The following MAD1L1 variants were observed in gnomAD, a reference collection of about 807,000 sequenced individuals.
MAD1L1 encodes the protein mitotic spindle assembly checkpoint protein MAD1.
A neutral mutation model predicts 96.9 loss-of-function variants in MAD1L1; 95 were observed. That is an observed-to-expected ratio of 0.98 (90% confidence interval 0.83 to 1.16). The LOEUF (loss-of-function observed/expected upper bound fraction) is 1.16. Among genes scored for constraint, MAD1L1 ranks in the 50% most tolerant of loss-of-function variants. The pLI is 0.00. For synonymous variants in MAD1L1, 473 were observed against 396.6 expected (o/e 1.19, Z -2.29); for missense variants, 1,007 against 954.4 (o/e 1.06, Z -0.73).
intron 11 of MAD1L1, among the ~76,000 whole-genome samples, chr7:2,116,567 TGG>T (rs3076522): frequency 0.054 from 1,946 of 35,866 alleles, 57 homozygotes; most frequent in African/African-American, 0.13. Context: ...GCCAGAGGGT[TGG>T]GGGGGGGGGG....
chr7:1,903,499 A>C (rs1787404235), intron 17 of MAD1L1, among the ~76,000 whole-genome samples: 1 of 146,640 alleles, frequency 6.8e-6, no homozygotes, highest in Non-Finnish European at 1.5e-5. Context: ...AGATTGATCA[A>C]GCACTGTTCC....
chr7:1,914,893 C>T (rs1304430456), intron 17 of MAD1L1, among the ~76,000 whole-genome samples: 1 of 152,274 alleles, frequency 6.6e-6, no homozygotes, highest in African/African-American at 2.4e-5. Context: ...GGATGACAGG[C>T]ATGAGTGCCG....
intron 16 of MAD1L1, among the ~76,000 whole-genome samples, chr7:1,946,634 G>A (rs995289792): frequency 2.0e-5 from 3 of 152,258 alleles, no homozygotes; most frequent in East Asian, 1.9e-4. Context: ...TACCCAGCGC[G>A]GTTAAGCGGA....
At chr7:2,214,836 T>A (rs1016000916) in intron 9 of MAD1L1, among the ~76,000 whole-genome samples, 1 of 152,214 alleles carries the variant, frequency 6.6e-6, no homozygotes, top group African/African-American at 2.4e-5. Flanking sequence ...CACAGGGCCC[T>A]GCCAGCCCTG....
intron 10 of MAD1L1, among the ~76,000 whole-genome samples, chr7:2,211,164 A>C (rs570617561): frequency 6.6e-6 from 1 of 152,036 alleles, no homozygotes; most frequent in Non-Finnish European, 1.5e-5. Context: ...CAGGCAGCCC[A>C]CCTCCACCAG....
chr7:2,135,646 C>T (rs982326511), intron 11 of MAD1L1, among the ~76,000 whole-genome samples: 35 of 152,346 alleles, frequency 2.3e-4, no homozygotes, highest in South Asian at 2.1e-4. Context: ...GGGCAATGTC[C>T]GGGCCTCCTG....
chr7:2,016,493 C>T (rs1328455557), intron 12 of MAD1L1, among the ~76,000 whole-genome samples: 1 of 152,206 alleles, frequency 6.6e-6, no homozygotes, highest in Non-Finnish European at 1.5e-5. Flanking sequence ...GCTGAGCCCC[C>T]GCCCAGGCCC....
rs952483980 is a variant in MAD1L1 at position 2,088,592 on chromosome 7, C to T, written c.1074-19254G>A. Among the ~76,000 whole-genome samples, 1 of 152,202 alleles carries T rather than the reference C, an allele frequency of 6.6e-6. No individual in the cohort carries two copies. The highest frequency in any genetic ancestry group is 1.5e-5 in the Non-Finnish European group (1 of 68,034). The stretch of plus-strand genomic sequence containing the variant: ...GGGAGATCAGGACGGTGTGGCACAG[C>T]CTGGGGCACTCCCAGCACTCAGCAG... On this transcript the variant is annotated intron_variant, in intron 11 of 18. Transcript: ENST00000265854. This position sits in a 1 kb window ranked among gnomAD's most constrained non-coding sequence, Gnocchi z 4.4.
chr7:1,986,704 T>C (rs374052020), intron 14 of MAD1L1, among the ~76,000 whole-genome samples: 2 of 152,198 alleles, frequency 1.3e-5, no homozygotes, highest in East Asian at 3.9e-4. Flanking sequence ...TTCTGTTTTG[T>C]CAAAATTTAA....
At chr7:1,818,866 T>G (rs1304515895) in intron 18 of MAD1L1, among the ~76,000 whole-genome samples, 25 of 139,788 alleles carry the variant, frequency 1.8e-4, no homozygotes, top group African/African-American at 3.9e-4. Flanking sequence ...CAGGTGGGGG[T>G]GGGGGTGGAC....
chr7:1,962,555 C>T (rs1779996706), intron 15 of MAD1L1, among the ~76,000 whole-genome samples: 1 of 152,146 alleles, frequency 6.6e-6, no homozygotes, highest in Admixed American at 6.5e-5. Flanking sequence ...AGCAAATAAT[C>T]TGATAAAGGC....
intron 11 of MAD1L1, among the ~76,000 whole-genome samples, chr7:2,131,533 A>T (rs780431471): frequency 1.3e-5 from 2 of 152,218 alleles, no homozygotes; most frequent in Non-Finnish European, 2.9e-5. Flanking sequence ...CTGTTCCCCG[A>T]CGAGCTTGTC....
chr7:2,137,942 A>G (rs1415871168), intron 11 of MAD1L1, among the ~76,000 whole-genome samples: 7 of 152,158 alleles, frequency 4.6e-5, no homozygotes, highest in Admixed American at 2.0e-4. Flanking sequence ...GCCATGTCGG[A>G]TAACTATGCG....
intron 16 of MAD1L1, among the ~76,000 whole-genome samples, chr7:1,938,519 C>A (rs1441193966): frequency 6.6e-6 from 1 of 152,088 alleles, no homozygotes; most frequent in African/African-American, 2.4e-5. Flanking sequence ...AATCACATTT[C>A]TGAGAAAGGG....
intron 11 of MAD1L1, among the ~76,000 whole-genome samples, chr7:2,140,310 C>A (rs1358171882): frequency 1.3e-5 from 2 of 152,236 alleles, no homozygotes; most frequent in Admixed American, 6.5e-5. Context: ...CAGCCCCCGT[C>A]CGCCCTGCAC....
At chr7:1,903,872 T>C (rs1339031376) in intron 17 of MAD1L1, among the ~76,000 whole-genome samples, 3 of 138,062 alleles carry the variant, frequency 2.2e-5, no homozygotes, top group East Asian at 2.5e-4. Context: ...GAGGACGCAG[T>C]GGCCTATGGA....
intron 17 of MAD1L1, among the ~76,000 whole-genome samples, chr7:1,929,270 C>T (rs962547120): frequency 6.6e-6 from 1 of 152,184 alleles, no homozygotes; most frequent in Non-Finnish European, 1.5e-5. Flanking sequence ...CCAAAGACAC[C>T]TCTAGGATCA....
intron 11 of MAD1L1, among the ~76,000 whole-genome samples, chr7:2,073,590 C>G (rs375130426): frequency 3.9e-5 from 6 of 152,250 alleles, no homozygotes; most frequent in African/African-American, 1.2e-4. Flanking sequence ...TCTCGCCTCT[C>G]GTGTCTGGCT....
intron 17 of MAD1L1, among the ~76,000 whole-genome samples, chr7:1,903,742 G>A (rs1284145352): frequency 4.3e-5 from 6 of 139,578 alleles, no homozygotes; most frequent in Non-Finnish European, 7.6e-5. Context: ...AGTGGCCTAT[G>A]GAAGACGCTC....
Sources: gnomAD v4.1 joint callset for allele counts (sites outside exome capture counted in the v4.1 genomes callset) on GRCh38, gnomAD v4.1.1 for gene constraint, Gnocchi (gnomAD v3.1) non-coding constraint, MANE v1.5 for transcripts, NCBI Gene and HGNC (gene_info 2026-07-23, HGNC 2026-07-21) for gene names.